PCSK6: variants seen among roughly 807,000 people sequenced by gnomAD.
The protein encoded by PCSK6 is proprotein convertase subtilisin/kexin type 6, also known as paired basic amino acid cleaving enzyme 4.
In PCSK6, 85 loss-of-function variants were observed where a neutral mutation model predicts 123.3. That is an observed-to-expected ratio of 0.69 (90% CI 0.58 to 0.83). The LOEUF is 0.83. PCSK6 is among the 40% of genes least tolerant of loss of function. The pLI, the probability that PCSK6 is intolerant of heterozygous loss-of-function variation, is 0.00. For synonymous variants in PCSK6, 508 were observed against 516.0 expected (o/e 0.98, Z 0.21); for missense variants, 1,191 against 1,282.3 (o/e 0.93, Z 1.09).
At chr15:101,488,797 G>A (rs1019305667) in intron 1 of PCSK6, among the ~76,000 whole-genome samples, 1 of 151,626 alleles carries the variant, frequency 6.6e-6, no homozygotes, top group African/African-American at 2.4e-5. Flanking sequence ...CAGGCTCCCG[G>A]CCATCTACCC....
intron 20 of PCSK6, among the ~76,000 whole-genome samples, chr15:101,309,503 A>G (rs905639305): frequency 6.6e-6 from 1 of 152,240 alleles, no homozygotes; most frequent in East Asian, 1.9e-4. Context: ...CACATTCTGG[A>G]AGGACAGGGA....
chr15:101,326,313 G>C, intron 16 of PCSK6, 64 bp downstream of exon 16: 1 of 1,269,384 alleles, frequency 7.9e-7, no homozygotes, highest in Non-Finnish European at 1.1e-6. Context: ...GGACATGGAG[G>C]GGCTAAGGAT....
At chr15:101,481,537 G>A (rs1242415323) in intron 1 of PCSK6, among the ~76,000 whole-genome samples, 1 of 152,226 alleles carries the variant, frequency 6.6e-6, no homozygotes, top group Non-Finnish European at 1.5e-5. Context: ...AGGCGGTGGG[G>A]TGGGGCAGGA....
At chr15:101,376,818 G>A (rs1257829926) in intron 11 of PCSK6, among the ~76,000 whole-genome samples, 2 of 152,324 alleles carry the variant, frequency 1.3e-5, no homozygotes, top group Admixed American at 6.5e-5. Context: ...TACCCCCAGG[G>A]CGGGACTGCA....
At chr15:101,364,877 GAGGAC>G in intron 13 of PCSK6, 1 of 600,614 alleles carries the variant, frequency 1.7e-6, no homozygotes, top group East Asian at 2.7e-5. Flanking sequence ...CACCAAGTTG[GAGGAC>G]TCGCACTTTC....
chr15:101,405,234 T>C (rs1202496732), intron 6 of PCSK6, among the ~76,000 whole-genome samples: 1 of 152,254 alleles, frequency 6.6e-6, no homozygotes, highest in African/African-American at 2.4e-5. Context: ...GCCCATTTAC[T>C]ATAAAATGTC....
rs867155779 is a variant in PCSK6, at chr15:101,390,377, T to A, written c.1210-813A>T. Among the ~76,000 whole-genome samples the A allele has an allele frequency of 5.4e-4, 20 of 37,198 alleles. 5 individuals are homozygous for A. The highest frequency in any genetic ancestry group is 1.4e-3 in the Admixed American group (5 of 3,672). The allele number at this position is 37,198 out of a possible 152,430, so 24.4% of individuals were successfully genotyped here. A position where few individuals can be genotyped will look rare whatever the true frequency, so the allele number is the denominator to read the frequency against. ...TCGCCCCATCATCTTTGTCCCCTGG[T>A]GTTATTCCAATGAGCTTTGCAGATA... On this transcript the variant is annotated intron_variant, in intron 8 of 21. Transcript: ENST00000611716.
intron 2 of PCSK6, among the ~76,000 whole-genome samples, chr15:101,433,734 G>A (rs2056515889): frequency 1.3e-5 from 2 of 152,242 alleles, no homozygotes. Context: ...CAAGAGCAAA[G>A]GGACAAGATT....
chr15:101,459,559 C>A (rs988298972), intron 1 of PCSK6, among the ~76,000 whole-genome samples: 4 of 147,454 alleles, frequency 2.7e-5, no homozygotes, highest in Non-Finnish European at 4.5e-5. Context: ...TCCCGTCCCC[C>A]CCACCATTCC....
At chr15:101,429,567 G>T (rs1436300160) in intron 5 of PCSK6, among the ~76,000 whole-genome samples, 2 of 152,162 alleles carry the variant, frequency 1.3e-5, no homozygotes, top group Non-Finnish European at 2.9e-5. Context: ...CATTACTCAT[G>T]CCCCTTCCAC....
intron 6 of PCSK6, among the ~76,000 whole-genome samples, chr15:101,425,698 A>C (rs2056233314): frequency 6.6e-6 from 1 of 152,156 alleles, no homozygotes. Context: ...CTTGTTTTAA[A>C]CACATGCCAA....
Position 101,336,414 on chromosome 15 carries a change from C to T in PCSK6, c.1859-4383G>A, listed in dbSNP as rs77261917. Among the ~76,000 whole-genome samples, 1,016 of 152,306 alleles carry T rather than the reference C, an allele frequency of 6.7e-3. 12 individuals carry two copies. The highest frequency in any genetic ancestry group is 0.023 in the African/African-American group (947 of 41,562). On this transcript the variant is annotated intron_variant, in intron 13 of 21. Transcript: ENST00000611716. ...TGTACCTGTAGGCTACATTACTAGA[C>T]GTAAAACTCGTCACACGTCACATGT...
rs764874612 is a variant in PCSK6, at chr15:101,318,276, T to C, written c.2569+43A>G. Reference sequence around the variant, plus strand: ...CGGGTTCAAGGCAGCTAGCCTACGCTTGGGTGACGCTGGCCCGAGGCCTCC... The same window carrying C: ...CGGGTTCAAGGCAGCTAGCCTACGCCTGGGTGACGCTGGCCCGAGGCCTCC... On this transcript the variant is annotated intron_variant, in intron 19 of 21. Coordinates refer to ENST00000611716, the MANE Select transcript of PCSK6 (RefSeq NM_002570.5). 10 of 1,417,852 alleles carry C rather than the reference T, an allele frequency of 7.1e-6. No homozygotes were observed. The African/African-American group carries it at 1.3e-4, about 18-fold the overall frequency. 87.8% of individuals were successfully genotyped at this position (1,417,852 alleles called of 1,614,324 possible).
chr15:101,475,479 T>C (rs140679609), intron 1 of PCSK6, among the ~76,000 whole-genome samples: 15 of 152,148 alleles, frequency 9.9e-5, no homozygotes, highest in Non-Finnish European at 1.5e-4. Flanking sequence ...AAAGAGACAC[T>C]TAACTTTATT....
At chr15:101,431,861 C>T (rs951862296) in intron 3 of PCSK6, 129 bp downstream of exon 3, 3 of 738,810 alleles carry the variant, frequency 4.1e-6, no homozygotes, top group Non-Finnish European at 7.1e-6. Flanking sequence ...AGTGGTTTTA[C>T]ACCCTCAAGG....
At chr15:101,406,234 A>G (rs12913169) in intron 6 of PCSK6, among the ~76,000 whole-genome samples, 14,023 of 152,172 alleles carry the variant, frequency 0.092, 920 homozygotes, top group African/African-American at 0.17. Context: ...ACACACACGC[A>G]CACATGCACA....
intron 11 of PCSK6, among the ~76,000 whole-genome samples, chr15:101,378,824 C>T (rs1337952165): frequency 6.6e-6 from 1 of 152,236 alleles, no homozygotes; most frequent in Non-Finnish European, 1.5e-5. Flanking sequence ...ACTTGGGGTC[C>T]CCTCTTGGCT....
rs371882019 is a variant in PCSK6, at chr15:101,398,679, T to C, written c.824-103A>G. The C allele has an allele frequency of 1.0e-4, 131 of 1,266,238 alleles. 2 individuals carry two copies. In the East Asian group the frequency reaches 1.6e-3, roughly 15 times the overall value. 78.4% of individuals were successfully genotyped at this position (1,266,238 alleles called of 1,614,324 possible). A position where few individuals can be genotyped will look rare whatever the true frequency, so the allele number is the denominator to read the frequency against. On this transcript the variant is annotated intron_variant, in intron 6 of 21. Coordinates refer to ENST00000611716, the MANE Select transcript of PCSK6 (RefSeq NM_002570.5). The surrounding 1 kb of genome is among the most constrained non-coding windows in gnomAD (Gnocchi z 4.6). ...CGGATGAGGACACCGCATCACAGAG[T>C]CCCTCCCCAGCAGGGGCTGTTCCCA...
At chr15:101,317,851 T>A (rs1175316866) in intron 19 of PCSK6, among the ~76,000 whole-genome samples, 1 of 152,216 alleles carries the variant, frequency 6.6e-6, no homozygotes, top group African/African-American at 2.4e-5. Flanking sequence ...TTAAAAAAAA[T>A]TTCCAACAAA....
Sources: gnomAD v4.1 joint callset for allele counts (sites outside exome capture counted in the v4.1 genomes callset) on GRCh38, gnomAD v4.1.1 for gene constraint, Gnocchi (gnomAD v3.1) non-coding constraint, MANE v1.5 for transcripts, NCBI Gene and HGNC (gene_info 2026-07-23, HGNC 2026-07-21) for gene names.